The following FKBP9 variants were observed in gnomAD, a reference collection of about 807,000 sequenced individuals.
FKBP9 encodes the protein FKBP prolyl isomerase 9, also known as peptidyl-prolyl cis-trans isomerase FKBP9.
In FKBP9, 27 loss-of-function variants were observed where a neutral mutation model predicts 55.6. That is an observed-to-expected ratio of 0.49 (90% CI 0.36 to 0.67). The LOEUF is 0.67. Among genes scored for constraint, FKBP9 ranks in the 30% least tolerant of loss-of-function variants. The pLI, the probability that FKBP9 is intolerant of heterozygous loss-of-function variation, is 0.00. For synonymous variants in FKBP9, 267 were observed against 296.5 expected (o/e 0.90, Z 1.02); for missense variants, 539 against 742.8 (o/e 0.73, Z 3.19).
At chr7:32,983,105 C>G (rs1784514078) in intron 5 of FKBP9, among the ~76,000 whole-genome samples, 1 of 151,698 alleles carries the variant, frequency 6.6e-6, no homozygotes. Context: ...CACACTGCAA[C>G]CTCCGTCTCG....
chr7:32,988,717 G>T, intron 6 of FKBP9, 65 bp downstream of exon 6: 1 of 1,507,482 alleles, frequency 6.6e-7, no homozygotes, highest in Non-Finnish European at 9.0e-7. Flanking sequence ...TTGAAACAGG[G>T]CTTCTTTTTC....
In FKBP9 at chr7:32,957,483, G is replaced by A. The variant is rs913024824; in HGVS notation, c.-91G>A. 6.0e-6 allele frequency: 6 copies of A among 1,004,996 alleles called. No homozygotes were observed. Among genetic ancestry groups the A allele is most frequent in the Admixed American group, 8.6e-5 (2 of 23,312 alleles). The allele number at this position is 1,004,996 out of a possible 1,614,324, so 62.3% of individuals were successfully genotyped here. ...CAGCCCGGGTAGGGCCAGGAGACCC[G>A]GTCCACGTTTGCAAACGCAGCCGAA... is the stretch of plus-strand genomic sequence containing the variant. On this transcript the variant is annotated 5_prime_UTR_variant, in exon 1 of 10. Coordinates refer to ENST00000242209, the MANE Select transcript of FKBP9 (RefSeq NM_007270.5).
At chr7:32,958,322 A>C (rs1783946272) in intron 1 of FKBP9, among the ~76,000 whole-genome samples, 1 of 152,200 alleles carries the variant, frequency 6.6e-6, no homozygotes, top group African/African-American at 2.4e-5. Flanking sequence ...TATTGTAGTG[A>C]ACTCATTTAA....
chr7:32,992,237 C>G (rs1360525221), intron 6 of FKBP9, among the ~76,000 whole-genome samples: 1 of 151,786 alleles, frequency 6.6e-6, no homozygotes, highest in Non-Finnish European at 1.5e-5. Context: ...GAAACCCACT[C>G]CCCTCAGAAG....
At chr7:32,985,460 G>A (rs796736559) in intron 5 of FKBP9, among the ~76,000 whole-genome samples, 1 of 151,732 alleles carries the variant, frequency 6.6e-6, no homozygotes, top group Non-Finnish European at 1.5e-5. Context: ...GATTACAGGT[G>A]TAACCCACTG....
chr7:32,997,333 A>G (rs1784836490), intron 7 of FKBP9, among the ~76,000 whole-genome samples: 1 of 152,068 alleles, frequency 6.6e-6, no homozygotes, highest in South Asian at 2.1e-4. Flanking sequence ...CAGTTTCCCA[A>G]AGTGGTAGGA....
In FKBP9 at chr7:33,006,044, T is replaced by C. The variant is rs928487608; in HGVS notation, c.*693T>C. Reference sequence around the variant, plus strand: ...GCATCTCAGACCACAAATAGAGAATTTGATTCCTCATTTGCCACATAAGTC... The same window carrying C: ...GCATCTCAGACCACAAATAGAGAATCTGATTCCTCATTTGCCACATAAGTC... On this transcript the variant is annotated 3_prime_UTR_variant, in exon 10 of 10. Transcript: ENST00000242209. The C allele has an allele frequency of 5.2e-5, 12 of 230,866 alleles. No individual in the cohort carries two copies. The highest frequency in any genetic ancestry group is 9.4e-5 in the Non-Finnish European group (11 of 116,736). 14.3% of individuals were successfully genotyped at this position (230,866 alleles called of 1,614,324 possible).
At chr7:32,965,809 AAAAATATAT>A (rs1385151514) in intron 1 of FKBP9, among the ~76,000 whole-genome samples, 1 of 16,706 alleles carries the variant, frequency 6.0e-5, no homozygotes, top group Non-Finnish European at 1.5e-4. Flanking sequence ...AAAAAAAAAA[AAAAATATAT>A]ATATATATAT....
chr7:32,986,300 T>G (rs1390420353), intron 5 of FKBP9, among the ~76,000 whole-genome samples: 1 of 152,220 alleles, frequency 6.6e-6, no homozygotes, highest in African/African-American at 2.4e-5. Flanking sequence ...CAATCCCCGC[T>G]GTGGGTACCT....
chr7:32,996,148 G>T lies in FKBP9; in HGVS notation c.1040-15G>T, dbSNP rs188088078. The T allele has an allele frequency of 6.2e-7, 1 of 1,613,006 alleles. No individual in the cohort carries two copies. The highest frequency in any genetic ancestry group is 1.7e-4 in the Middle Eastern group (1 of 6,058). ...TGCAGGGGTCATTCATTAATTCCCC[G>T]TGTCTGTCCTTTAGGGAATATCCCC... On this transcript the variant is annotated splice_polypyrimidine_tract_variant and intron_variant, in intron 6 of 9. Coordinates refer to ENST00000242209, the MANE Select transcript of FKBP9 (RefSeq NM_007270.5).
intron 6 of FKBP9, among the ~76,000 whole-genome samples, chr7:32,994,465 C>A (rs1310351322): frequency 6.6e-6 from 1 of 152,142 alleles, no homozygotes; most frequent in South Asian, 2.1e-4. Flanking sequence ...CAGACACCCA[C>A]CCTGTCCATG....
At chr7:32,984,351 A>G (rs1380512701) in intron 5 of FKBP9, among the ~76,000 whole-genome samples, 3 of 152,102 alleles carry the variant, frequency 2.0e-5, no homozygotes, top group Non-Finnish European at 4.4e-5. Context: ...CTTCTGCCTC[A>G]GCTTCCAGAG....
rs541527550 is a variant in FKBP9 at position 32,974,878 on chromosome 7, A to G, written c.367+116A>G. ...AAGCTTTAGATTGGGGGAAAATGAAAAGCAGTGAACTCATACACAGCTAAA... is the reference window on the plus strand; with the variant it reads ...AAGCTTTAGATTGGGGGAAAATGAAGAGCAGTGAACTCATACACAGCTAAA... On this transcript the variant is annotated intron_variant, in intron 2 of 9. Transcript: ENST00000242209. The G allele has an allele frequency of 2.4e-3, 2,409 of 1,012,124 alleles. 4 individuals carry two copies. Among genetic ancestry groups the G allele is most frequent in the Non-Finnish European group, 3.2e-3 (2,208 of 688,842 alleles). 62.7% of individuals were successfully genotyped at this position (1,012,124 alleles called of 1,614,324 possible). A position where few individuals can be genotyped will look rare whatever the true frequency, so the allele number is the denominator to read the frequency against.
intron 7 of FKBP9, among the ~76,000 whole-genome samples, chr7:32,997,720 C>G (rs953764143): frequency 1.3e-5 from 2 of 152,126 alleles, no homozygotes; most frequent in African/African-American, 2.4e-5. Context: ...CCCAGCTACT[C>G]ATGAGGCTGA....
At chr7:32,963,757 T>G (rs1784075318) in intron 1 of FKBP9, 2 of 1,283,258 alleles carry the variant, frequency 1.6e-6, no homozygotes, top group African/African-American at 3.1e-5. Context: ...TCTCTCCCAC[T>G]AGAAAAAGAG....
chr7:32,965,882 T>TAG (rs1349623304), intron 1 of FKBP9, among the ~76,000 whole-genome samples: 5,439 of 107,642 alleles, frequency 0.051, 328 homozygotes, highest in African/African-American at 0.12. Flanking sequence ...CATATATATA[T>TAG]ATAGAGAGAG....
Position 32,988,575 on chromosome 7 carries a change from G to T in FKBP9, c.962G>T (p.Gly321Val), listed in dbSNP as rs1039857506. 2 of 1,613,808 alleles carry T rather than the reference G, an allele frequency of 1.2e-6. No individual in the cohort carries two copies. Among genetic ancestry groups the T allele is most frequent in the Non-Finnish European group, 1.7e-6 (2 of 1,179,848 alleles). Residue 321 changes from glycine to valine, a missense_variant, in exon 6 of 10, where the codon GGT (glycine) becomes GTT (valine). Physicochemically the swap from Gly to Val is moderately radical, Grantham distance 109. Coordinates refer to ENST00000242209, the MANE Select transcript of FKBP9 (RefSeq NM_007270.5). ...TACGTGATTCCTGGGATGGATGAAG[G>T]TCTACTTGGTGTTTGCATTGGAGAA... Reference protein sequence around the residue: ...QGYVIPGMDEGLLGVCIGEKR... With the variant: ...QGYVIPGMDEVLLGVCIGEKR...
chr7:33,002,285 C>A (rs1481103073), intron 8 of FKBP9, among the ~76,000 whole-genome samples: 1 of 152,104 alleles, frequency 6.6e-6, no homozygotes, highest in Non-Finnish European at 1.5e-5. Context: ...AGGTGCCCAC[C>A]ACCACACCAG....
chr7:32,958,132 G>C (rs1431641659), intron 1 of FKBP9, among the ~76,000 whole-genome samples: 1 of 152,186 alleles, frequency 6.6e-6, no homozygotes, highest in Non-Finnish European at 1.5e-5. Context: ...TGCACAACTG[G>C]ACCCCCAAGA....
Sources: allele counts gnomAD v4.1 joint callset (sites outside exome capture counted in the v4.1 genomes callset), GRCh38; gene constraint gnomAD v4.1.1; transcripts MANE v1.5; gene names NCBI Gene and HGNC (gene_info 2026-07-23, HGNC 2026-07-21).